The following MAML3 variants were observed in gnomAD, a reference collection of about 807,000 sequenced individuals.
The protein encoded by MAML3 is mastermind-like protein 3.
MAML3 carries 27 observed loss-of-function variants against 101.9 expected under a neutral mutation model. The observed-to-expected ratio is 0.27, with a 90% CI of 0.20 to 0.37. The LOEUF is 0.37. Among genes scored for constraint, MAML3 ranks in the 10% least tolerant of loss-of-function variants. The pLI is 1.00. For missense variants in MAML3, 1,316 were observed against 1,444.9 expected (o/e 0.91, Z 1.45); for synonymous variants, 501 against 555.9 (o/e 0.90, Z 1.39).
chr4:140,085,705 A>G (rs899299886), intron 1 of MAML3, among the ~76,000 whole-genome samples: 1 of 152,196 alleles, frequency 6.6e-6, no homozygotes, highest in Non-Finnish European at 1.5e-5. Context: ...ACACAAGAGC[A>G]TGCTTAACCC....
intron 2 of MAML3, among the ~76,000 whole-genome samples, chr4:139,818,969 A>G (rs1730932009): frequency 6.6e-6 from 1 of 152,170 alleles, no homozygotes; most frequent in African/African-American, 2.4e-5. Context: ...TGCGGCAAAC[A>G]CTTATTAAGT....
Position 139,720,238 on chromosome 4 carries a change from G to A in MAML3, c.2502C>T (p.Gly834=). 1 of 1,608,594 alleles carries A rather than the reference G, an allele frequency of 6.2e-7. No homozygotes were observed. Among genetic ancestry groups the A allele is most frequent in the South Asian group, 1.1e-5 (1 of 90,592 alleles). Residue 834 remains glycine (G), a synonymous_variant, in exon 5 of 5, where the codon GGC becomes GGT. Coordinates refer to ENST00000509479, the MANE Select transcript of MAML3 (RefSeq NM_018717.5). ...RTSRLMAQNA[G]MMGIGPSQNP... is the part of the protein sequence containing the mutation. ...TCTGGGAGGGTCCTATTCCCATCATGCCTGCGTTCTGTGCCATCAGCCGTG... is the reference window on the plus strand; with the variant it reads ...TCTGGGAGGGTCCTATTCCCATCATACCTGCGTTCTGTGCCATCAGCCGTG...
chr4:139,739,269 G>C (rs1490392285), intron 2 of MAML3, among the ~76,000 whole-genome samples: 3 of 152,220 alleles, frequency 2.0e-5, no homozygotes, highest in African/African-American at 7.2e-5. Flanking sequence ...TGGCAGTCCA[G>C]TGCTAAATGT....
At chr4:140,096,515 G>A (rs1390366406) in intron 1 of MAML3, among the ~76,000 whole-genome samples, 1 of 152,024 alleles carries the variant, frequency 6.6e-6, no homozygotes, top group Non-Finnish European at 1.5e-5. Context: ...TGCATTCAGG[G>A]CCTATTTATT....
chr4:139,982,065 G>A (rs1242429805), intron 1 of MAML3, among the ~76,000 whole-genome samples: 1 of 152,000 alleles, frequency 6.6e-6, no homozygotes, highest in Non-Finnish European at 1.5e-5. Context: ...TCAAAGAGTG[G>A]GAAATTATAC....
chr4:139,723,951 G>T (rs191957003), intron 4 of MAML3, among the ~76,000 whole-genome samples: 31 of 152,304 alleles, frequency 2.0e-4, no homozygotes, highest in Admixed American at 5.9e-4. Context: ...GGTGCTTTCA[G>T]TGCAGGCTAA....
intron 2 of MAML3, among the ~76,000 whole-genome samples, chr4:139,828,450 A>G (rs1286960520): frequency 6.6e-6 from 1 of 152,182 alleles, no homozygotes; most frequent in Non-Finnish European, 1.5e-5. Flanking sequence ...GAGAGAGCTA[A>G]GTGTCCTAGT....
intron 1 of MAML3, among the ~76,000 whole-genome samples, chr4:139,909,297 G>GC (rs1732875695): frequency 3.3e-5 from 5 of 152,160 alleles, no homozygotes; most frequent in Non-Finnish European, 7.4e-5. Flanking sequence ...AAATTACTCA[G>GC]CCCTCTGCAG....
intron 4 of MAML3, among the ~76,000 whole-genome samples, chr4:139,722,512 C>CT (rs1728276905): frequency 6.6e-6 from 1 of 152,110 alleles, no homozygotes. Context: ...ACACTGTAAT[C>CT]TAATTTTCTT....
At chr4:140,128,621 C>G (rs183384168) in intron 1 of MAML3, among the ~76,000 whole-genome samples, 202 of 152,260 alleles carry the variant, frequency 1.3e-3, no homozygotes, top group Non-Finnish European at 2.3e-3. Flanking sequence ...AGGGTGCACC[C>G]ACACAGGCTA....
intron 1 of MAML3, among the ~76,000 whole-genome samples, chr4:140,097,405 TTTGTTCGAG>T (rs1207912842): frequency 6.6e-6 from 1 of 152,106 alleles, no homozygotes; most frequent in Non-Finnish European, 1.5e-5. Context: ...AAGCCGAGGT[TTTGTTCGAG>T]TTGTTACAGT....
At chr4:139,965,389 G>A (rs2110781660) in intron 1 of MAML3, among the ~76,000 whole-genome samples, 1 of 152,184 alleles carries the variant, frequency 6.6e-6, no homozygotes, top group South Asian at 2.1e-4. Flanking sequence ...TATTAGGCAT[G>A]GCTCAGGCAG....
intron 1 of MAML3, among the ~76,000 whole-genome samples, chr4:140,005,863 C>A (rs1366971850): frequency 6.6e-6 from 1 of 152,208 alleles, no homozygotes; most frequent in African/African-American, 2.4e-5. Flanking sequence ...GGGAGTGAAG[C>A]CTTGTCACTC....
intron 2 of MAML3, among the ~76,000 whole-genome samples, chr4:139,883,889 C>CTTTT (rs70943452): frequency 1.1e-4 from 8 of 74,304 alleles, no homozygotes; most frequent in East Asian, 4.1e-4. Flanking sequence ...AATTGCTTGT[C>CTTTT]TTTTTTTTTT....
intron 1 of MAML3, among the ~76,000 whole-genome samples, chr4:139,914,015 C>T (rs550322785): frequency 6.6e-6 from 1 of 151,958 alleles, no homozygotes; most frequent in East Asian, 1.9e-4. Context: ...TTTTTTTTTA[C>T]AAGAAAGTAT....
chr4:140,060,365 C>CAAAAAAAA lies in MAML3; in HGVS notation c.468+92487_468+92494dup, dbSNP rs70943471. 5.2e-4 allele frequency among the ~76,000 whole-genome samples: 10 copies of CAAAAAAAA among 19,122 alleles called. 3 individuals carry two copies. The highest frequency in any genetic ancestry group is 8.9e-4 in the African/African-American group (5 of 5,632). The allele number at this position is 19,122 out of a possible 152,430, so 12.5% of individuals were successfully genotyped here. The stretch of plus-strand genomic sequence containing the variant: ...TGGGCGACAGAGTAAGACTCTGTCT[C>CAAAAAAAA]AAAAAAAAAAAAAAAAAAAAGTCAC... On this transcript the variant is annotated intron_variant, in intron 1 of 4. Transcript: ENST00000509479.
chr4:139,858,901 T>C (rs1016105574), intron 2 of MAML3, among the ~76,000 whole-genome samples: 3 of 152,204 alleles, frequency 2.0e-5, no homozygotes, highest in Non-Finnish European at 4.4e-5. Flanking sequence ...TTACTGGATC[T>C]GAAGTCATCT....
chr4:139,885,661 C>T (rs1732314197), intron 2 of MAML3, among the ~76,000 whole-genome samples: 1 of 150,998 alleles, frequency 6.6e-6, no homozygotes, highest in Non-Finnish European at 1.5e-5. Flanking sequence ...CCGTGGCTCA[C>T]ACCTGTAATC....
intron 2 of MAML3, among the ~76,000 whole-genome samples, chr4:139,876,151 T>C (rs775947679): frequency 1.4e-4 from 22 of 152,208 alleles, no homozygotes; most frequent in Non-Finnish European, 3.2e-4. Context: ...ATGTAAAATA[T>C]GCCATTAGTA....
Sources: gnomAD v4.1 joint callset for allele counts (sites outside exome capture counted in the v4.1 genomes callset) on GRCh38, gnomAD v4.1.1 for gene constraint, MANE v1.5 for transcripts, NCBI Gene and HGNC (gene_info 2026-07-23, HGNC 2026-07-21) for gene names.